Variants in NT5C3A observed in about 807,000 individuals in gnomAD.
NT5C3A encodes the protein 5'-nucleotidase, cytosolic IIIA.
A neutral mutation model predicts 40.0 loss-of-function variants in NT5C3A; 23 were observed. The ratio of observed to expected loss-of-function variants is 0.58; its 90% CI spans 0.41 to 0.81. NT5C3A has a LOEUF of 0.81. NT5C3A is among the 40% of genes least tolerant of loss of function. The pLI is 0.00. For synonymous variants in NT5C3A, 130 were observed against 141.4 expected (o/e 0.92, Z 0.57); for missense variants, 328 against 403.0 (o/e 0.81, Z 1.59).
At chr7:33,056,627 G>T (rs780089773) in intron 1 of NT5C3A, among the ~76,000 whole-genome samples, 1 of 151,596 alleles carries the variant, frequency 6.6e-6, no homozygotes, top group Non-Finnish European at 1.5e-5. Context: ...AGCCATGATC[G>T]CTTCATTGCA....
At chr7:33,048,307 C>T (rs951490385) in intron 1 of NT5C3A, among the ~76,000 whole-genome samples, 2 of 151,824 alleles carry the variant, frequency 1.3e-5, no homozygotes, top group Non-Finnish European at 2.9e-5. Context: ...CACCTCCCAA[C>T]GTGCTGGGAT....
intron 2 of NT5C3A, among the ~76,000 whole-genome samples, chr7:33,025,933 C>A (rs371584232): frequency 3.3e-5 from 5 of 152,306 alleles, no homozygotes; most frequent in African/African-American, 2.4e-5. Context: ...CGCCTGTAAT[C>A]CCAGCACTTT....
At chr7:33,031,167 TG>T (rs1389400264) in intron 1 of NT5C3A, among the ~76,000 whole-genome samples, 1 of 151,924 alleles carries the variant, frequency 6.6e-6, no homozygotes, top group African/African-American at 2.4e-5. Flanking sequence ...GGGTGTGGCT[TG>T]GTATCATCAA....
Position 33,014,622 on chromosome 7 carries a change from G to T in NT5C3A, c.*108C>A, listed in dbSNP as rs1413316078. 1.3e-6 allele frequency: 2 copies of T among 1,500,314 alleles called. No homozygotes were observed. The highest frequency in any genetic ancestry group is 2.0e-5 in the Admixed American group (1 of 51,216). The allele number at this position is 1,500,314 out of a possible 1,614,324, so 92.9% of individuals were successfully genotyped here. On this transcript the variant is annotated 3_prime_UTR_variant, in exon 9 of 9. Coordinates refer to ENST00000610140, the MANE Select transcript of NT5C3A (RefSeq NM_001002010.5). ...TGAAAATACTTCAGTTATACAAAGG[G>T]AACACTTCGAGAGTAAGGATATATT... is the stretch of plus-strand genomic sequence containing the variant.
intron 6 of NT5C3A, among the ~76,000 whole-genome samples, chr7:33,018,652 C>T (rs1053322991): frequency 6.6e-6 from 1 of 151,906 alleles, no homozygotes; most frequent in Non-Finnish European, 1.5e-5. Flanking sequence ...AGATCGAGAC[C>T]ATCCTGGCTA....
chr7:33,056,416 T>C (rs1787570392), intron 1 of NT5C3A, among the ~76,000 whole-genome samples: 1 of 127,044 alleles, frequency 7.9e-6, no homozygotes, highest in South Asian at 2.5e-4. Context: ...GCAGGAAGAC[T>C]GCTTGAGCCC....
chr7:33,014,300 G>A lies in NT5C3A; in HGVS notation c.*430C>T, dbSNP rs1322916475. On this transcript the variant is annotated 3_prime_UTR_variant, in exon 9 of 9. Transcript: ENST00000610140. Reference sequence around the variant, plus strand: ...AACCAAACCTAACACAATTTCAAGAGATGGTGATACCATCAGCATAATAAC... The same window carrying A: ...AACCAAACCTAACACAATTTCAAGAAATGGTGATACCATCAGCATAATAAC... 1 of 454,268 alleles carries A rather than the reference G, an allele frequency of 2.2e-6. No homozygotes were observed. The highest frequency in any genetic ancestry group is 4.4e-6 in the Non-Finnish European group (1 of 226,846). The allele number at this position is 454,268 out of a possible 1,614,324, so 28.1% of individuals were successfully genotyped here.
chr7:33,024,262 A>C (rs1785795075), intron 2 of NT5C3A, among the ~76,000 whole-genome samples, 154 bp from the exon 3 acceptor site: 1 of 152,180 alleles, frequency 6.6e-6, no homozygotes, highest in South Asian at 2.1e-4. Context: ...CTTTACATTG[A>C]ATTTTCTCAT....
intron 2 of NT5C3A, 127 bp downstream of exon 2, chr7:33,026,690 C>T (rs1785960314): frequency 1.5e-6 from 1 of 661,092 alleles, no homozygotes. Context: ...GATGGGGTCT[C>T]ACTATGTTGC....
chr7:33,039,748 T>C (rs1786825115), intron 1 of NT5C3A, among the ~76,000 whole-genome samples: 1 of 151,690 alleles, frequency 6.6e-6, no homozygotes, highest in African/African-American at 2.4e-5. Context: ...ACTTTCTCAA[T>C]ACAGGCATAA....
In NT5C3A at chr7:33,030,530, A is replaced by G. The variant is rs574912635; in HGVS notation, c.139-3615T>C. ...AAAATTTCCATCATTTGTGATAAAA[A>G]GAGAACAAATTCATTTTATGGTAAA... On this transcript the variant is annotated intron_variant, in intron 1 of 8. Transcript: ENST00000610140. 9.2e-5 allele frequency among the ~76,000 whole-genome samples: 14 copies of G among 152,376 alleles called. No individual in the cohort carries two copies. In the South Asian group the frequency reaches 2.9e-3, roughly 32 times the overall value.
intron 2 of NT5C3A, among the ~76,000 whole-genome samples, chr7:33,025,201 T>C (rs928744049): frequency 6.6e-6 from 1 of 152,052 alleles, no homozygotes; most frequent in African/African-American, 2.4e-5. Flanking sequence ...TCTGATTAAT[T>C]GGTATGGGAA....
At chr7:33,053,062 T>C (rs558035445) in intron 1 of NT5C3A, among the ~76,000 whole-genome samples, 2 of 152,280 alleles carry the variant, frequency 1.3e-5, no homozygotes, top group Admixed American at 6.5e-5. Context: ...AATTGCTGTA[T>C]TGTAGGAAAA....
intron 1 of NT5C3A, among the ~76,000 whole-genome samples, chr7:33,028,480 T>C (rs1330808480): frequency 6.6e-6 from 1 of 152,244 alleles, no homozygotes; most frequent in East Asian, 1.9e-4. Context: ...TTATACAGCA[T>C]AGGCAATAAT....
chr7:33,038,076 T>C (rs765428621), intron 1 of NT5C3A, among the ~76,000 whole-genome samples: 1 of 152,116 alleles, frequency 6.6e-6, no homozygotes, highest in Non-Finnish European at 1.5e-5. Context: ...GCTTACAGCT[T>C]TTCTTTGATG....
chr7:33,040,787 A>C (rs1014424877), intron 1 of NT5C3A: 2 of 712,536 alleles, frequency 2.8e-6, no homozygotes, highest in Admixed American at 6.3e-5. Flanking sequence ...CAAAATGCCC[A>C]AAATTTCAGT....
intron 1 of NT5C3A, among the ~76,000 whole-genome samples, chr7:33,058,099 G>A (rs1424948738): frequency 4.6e-5 from 7 of 151,958 alleles, no homozygotes; most frequent in African/African-American, 7.3e-5. Flanking sequence ...GAGAAAAACT[G>A]AAAATTTGCT....
Position 33,019,719 on chromosome 7 carries a change from G to C in NT5C3A, c.446C>G (p.Thr149Ser), listed in dbSNP as rs1386089723. 15 of 1,581,584 alleles carry C rather than the reference G, an allele frequency of 9.5e-6. No homozygotes were observed. The highest frequency in any genetic ancestry group is 1.3e-5 in the African/African-American group (1 of 74,372). ...CTGAACAAGCAAACCATGTGATTTA[G>C]TATACCTGGAGTTTATGACCAAAGG... ...EKYPYMVEWY[T>S]KSHGLLVQQA... The change falls in exon 6 of 9, where the codon ACT (threonine) becomes AGT (serine). Residue 149 changes from threonine to serine, a missense_variant. Thr to Ser is a moderately conservative substitution (Grantham distance 58). Coordinates refer to ENST00000610140, the MANE Select transcript of NT5C3A (RefSeq NM_001002010.5).
intron 1 of NT5C3A, among the ~76,000 whole-genome samples, chr7:33,033,096 G>A (rs1037291480): frequency 2.6e-5 from 4 of 152,128 alleles, no homozygotes; most frequent in Non-Finnish European, 5.9e-5. Context: ...CATTTTTCTG[G>A]AAATAGCCCA....
Sources: allele counts gnomAD v4.1 joint callset (sites outside exome capture counted in the v4.1 genomes callset), GRCh38; gene constraint gnomAD v4.1.1; transcripts MANE v1.5; gene names NCBI Gene and HGNC (gene_info 2026-07-23, HGNC 2026-07-21).